NDRG2: variants seen among roughly 807,000 people sequenced by gnomAD.
NDRG2 encodes the protein protein NDRG2.
A neutral mutation model predicts 58.2 loss-of-function variants in NDRG2; 34 were observed. That is an observed-to-expected ratio of 0.58 (90% CI 0.44 to 0.78). The LOEUF (loss-of-function observed/expected upper bound fraction) is 0.78, where lower values mean the gene tolerates loss of function less well. Among genes scored for constraint, NDRG2 ranks in the 30% least tolerant of loss-of-function variants. The pLI, the probability that NDRG2 is intolerant of heterozygous loss-of-function variation, is 0.00. For missense variants in NDRG2, 434 were observed against 471.2 expected (o/e 0.92, Z 0.73); for synonymous variants, 187 against 175.9 (o/e 1.06, Z -0.50).
rs1417509741 is a variant in NDRG2 at position 21,016,891 on chromosome 14, C to T, written c.*705G>A. 6.6e-6 allele frequency: 3 copies of T among 456,476 alleles called. No individual in the cohort carries two copies. The highest frequency in any genetic ancestry group is 1.3e-5 in the Non-Finnish European group (3 of 226,800). The allele number at this position is 456,476 out of a possible 1,614,324, so 28.3% of individuals were successfully genotyped here. A position where few individuals can be genotyped will look rare whatever the true frequency, so the allele number is the denominator to read the frequency against. The stretch of plus-strand genomic sequence containing the variant: ...AGCCCTTTCCACCCTATGCCAAGCC[C>T]CAAGCAGCCCAGCCCAAGCTTAGCT... On this transcript the variant is annotated 3_prime_UTR_variant, in exon 16 of 16. Coordinates refer to ENST00000556147, the MANE Select transcript of NDRG2 (RefSeq NM_001320329.2).
intron 1 of NDRG2, among the ~76,000 whole-genome samples, chr14:21,055,282 T>A (rs1885625688): frequency 6.6e-6 from 1 of 152,236 alleles, no homozygotes; most frequent in Non-Finnish European, 1.5e-5. Context: ...TGTAGTGAGA[T>A]TTTTATGTGT....
chr14:21,025,301 C>G (rs1316583369), upstream of NDRG2: 1 of 954,012 alleles, frequency 1.0e-6, no homozygotes, highest in Non-Finnish European at 1.2e-6. The surrounding 1 kb of genome is among the most constrained non-coding windows in gnomAD (Gnocchi z 5.1). Context: ...TTCCACCACC[C>G]CCTCCCCGCA....
intron 1 of NDRG2, chr14:21,057,892 G>A: frequency 6.2e-7 from 1 of 1,613,262 alleles, no homozygotes; most frequent in Non-Finnish European, 8.5e-7. Context: ...CCTTAAGAGA[G>A]ATGGCACCGG....
upstream of NDRG2, among the ~76,000 whole-genome samples, chr14:21,026,402 G>A (rs1883633185): frequency 6.7e-6 from 1 of 150,164 alleles, no homozygotes; most frequent in African/African-American, 2.5e-5. Context: ...AGGCCAGTCA[G>A]GAACAATGGC....
At chr14:21,033,578 A>C in intron 1 of NDRG2, 1 of 563,712 alleles carries the variant, frequency 1.8e-6, no homozygotes, top group Non-Finnish European at 3.2e-6. Context: ...TGTCTCTGGG[A>C]GAGGAAGGAT....
At chr14:21,033,974 A>G (rs1193570641) in intron 1 of NDRG2, 2 of 1,613,826 alleles carry the variant, frequency 1.2e-6, no homozygotes, top group Admixed American at 3.3e-5. Context: ...TGGGGAGGGA[A>G]TCCTGGGTGA....
intron 1 of NDRG2, chr14:21,043,522 C>T: frequency 9.2e-7 from 1 of 1,089,590 alleles, no homozygotes; most frequent in South Asian, 1.5e-5. Flanking sequence ...GACTCCGCAC[C>T]ACTCCCCTAC....
At chr14:21,054,675 G>A (rs1310771302) in intron 1 of NDRG2, among the ~76,000 whole-genome samples, 1 of 152,158 alleles carries the variant, frequency 6.6e-6, no homozygotes, top group African/African-American at 2.4e-5. Flanking sequence ...AAACAGAACC[G>A]AATTTCAAAT....
intron 6 of NDRG2, 144 bp from the exon 7 acceptor site, chr14:21,020,988 A>T (rs1338444284): frequency 9.8e-6 from 9 of 919,390 alleles, no homozygotes; most frequent in Non-Finnish European, 1.5e-5. Context: ...GAGGACGCGA[A>T]AAAGAAGGGC....
At chr14:21,065,874 G>A (rs931119998) in intron 1 of NDRG2, among the ~76,000 whole-genome samples, 7 of 152,190 alleles carry the variant, frequency 4.6e-5, no homozygotes, top group East Asian at 3.9e-4. Context: ...CAAGGTGGGC[G>A]GATCACCTGA....
intron 6 of NDRG2, chr14:21,021,285 G>C: frequency 2.7e-6 from 1 of 364,668 alleles, no homozygotes; most frequent in South Asian, 2.1e-5. Flanking sequence ...GAGGAAAAGA[G>C]TGGCAAAGTG....
chr14:21,017,397 T>C lies in NDRG2; in HGVS notation c.*199A>G. 1.5e-6 allele frequency: 1 copy of C among 648,314 alleles called. No individual in the cohort carries two copies. The allele number at this position is 648,314 out of a possible 1,614,324, so 40.2% of individuals were successfully genotyped here. A position where few individuals can be genotyped will look rare whatever the true frequency, so the allele number is the denominator to read the frequency against. On this transcript the variant is annotated 3_prime_UTR_variant, in exon 16 of 16. Coordinates refer to ENST00000556147, the MANE Select transcript of NDRG2 (RefSeq NM_001320329.2). ...AGGGGTCTGGGTCCCTAAGAGATAT[T>C]AGGACATCTCTTCCAGGAGCTGGGG... is the stretch of plus-strand genomic sequence containing the variant.
At chr14:21,021,666 C>T (rs1245954809) in intron 6 of NDRG2, 151 bp downstream of exon 6, 7 of 875,880 alleles carry the variant, frequency 8.0e-6, no homozygotes, top group African/African-American at 3.4e-5. Context: ...ACCACCTTTT[C>T]TCAATAATCA....
chr14:21,041,702 A>G (rs1884903856), intron 1 of NDRG2, among the ~76,000 whole-genome samples: 1 of 152,208 alleles, frequency 6.6e-6, no homozygotes, highest in Non-Finnish European at 1.5e-5. Context: ...ATTTTCAATA[A>G]AAAAGGGAGG....
intron 1 of NDRG2, among the ~76,000 whole-genome samples, chr14:21,056,706 T>C (rs1885689242): frequency 6.6e-6 from 1 of 152,216 alleles, no homozygotes; most frequent in Non-Finnish European, 1.5e-5. Context: ...CTTTCCTTTT[T>C]AGCTTGGCGC....
chr14:21,070,238 G>T lies in NDRG2; in HGVS notation c.24+590C>A, dbSNP rs1439186138. ...GGCGGCCGTCTCGGCCCTCCCTGGC[G>T]GGGCCCCGCGGCCTGGAAGCCGGAG... On this transcript the variant is annotated intron_variant, in intron 1 of 14. Transcript: ENST00000403829. This position sits in a 1 kb window ranked among gnomAD's most constrained non-coding sequence, Gnocchi z 4.7. 41 of 708,482 alleles carry T rather than the reference G, an allele frequency of 5.8e-5. No individual in the cohort carries two copies. The highest frequency in any genetic ancestry group is 1.0e-3 in the Middle Eastern group (2 of 1,920). The allele number at this position is 708,482 out of a possible 1,614,324, so 43.9% of individuals were successfully genotyped here.
chr14:21,021,624 A>G, intron 6 of NDRG2, 193 bp downstream of exon 6: 1 of 638,038 alleles, frequency 1.6e-6, no homozygotes, highest in Non-Finnish European at 2.7e-6. Context: ...CATTAGGGCT[A>G]TTCTGTTGAC....
Position 21,023,521 on chromosome 14 carries a change from A to C in NDRG2, c.-6-200T>G, listed in dbSNP as rs1016373124. 16 of 586,598 alleles carry C rather than the reference A, an allele frequency of 2.7e-5. 1 individual carries two copies. In the Admixed American group the frequency reaches 4.7e-4, roughly 17 times the overall value. 36.3% of individuals were successfully genotyped at this position (586,598 alleles called of 1,614,324 possible). A position where few individuals can be genotyped will look rare whatever the true frequency, so the allele number is the denominator to read the frequency against. ...GATCGGTGGAAGCTTTGGAAGAGGA[A>C]TCAGGACAGCCCTTCTCTTGATACT... On this transcript the variant is annotated intron_variant, in intron 1 of 15. Transcript: ENST00000556147.
At chr14:21,068,100 C>G (rs10143954) in intron 1 of NDRG2, among the ~76,000 whole-genome samples, 4,220 of 40,604 alleles carry the variant, frequency 0.1, 1,414 homozygotes, top group African/African-American at 0.21. Context: ...CCCGGGTTCA[C>G]GCCATTCTCC....
Sources: allele counts gnomAD v4.1 joint callset (sites outside exome capture counted in the v4.1 genomes callset), GRCh38; gene constraint gnomAD v4.1.1; non-coding constraint Gnocchi (gnomAD v3.1); transcripts MANE v1.5; gene names NCBI Gene and HGNC (gene_info 2026-07-23, HGNC 2026-07-21).